The following TRIM33 variants were observed in gnomAD, a reference collection of about 807,000 sequenced individuals.
TRIM33 encodes tripartite motif containing 33.
In TRIM33, 20 loss-of-function variants were observed where a neutral mutation model predicts 125.4. That is an observed-to-expected ratio of 0.16 (90% CI 0.11 to 0.23). The LOEUF (loss-of-function observed/expected upper bound fraction) is 0.23, where lower values mean the gene tolerates loss of function less well. Ranked by LOEUF, TRIM33 falls within the 10% of genes least tolerant of loss-of-function variation. The pLI, the probability that TRIM33 is intolerant of heterozygous loss-of-function variation, is 1.00. For missense variants in TRIM33, 920 were observed against 1,411.4 expected (o/e 0.65, Z 5.58); for synonymous variants, 564 against 513.9 (o/e 1.10, Z -1.32).
rs192255504 is a variant in TRIM33, at chr1:114,424,539, G to A, written c.1860+52C>T. ...CCCAAAAAGTGATTAAGAAAATGAC[G>A]TCTTTTAATTTTAAAATTGTAGGAT... On this transcript the variant is annotated intron_variant, in intron 10 of 19. Coordinates refer to ENST00000358465, the MANE Select transcript of TRIM33 (RefSeq NM_015906.4). The A allele has an allele frequency of 1.8e-4, 260 of 1,426,888 alleles. No homozygotes were observed. In the African/African-American group the frequency reaches 3.0e-3, roughly 17 times the overall value. 88.4% of individuals were successfully genotyped at this position (1,426,888 alleles called of 1,614,324 possible).
chr1:114,505,814 C>T (rs1051388305), intron 1 of TRIM33, among the ~76,000 whole-genome samples: 2 of 151,992 alleles, frequency 1.3e-5, no homozygotes, highest in African/African-American at 2.4e-5. Flanking sequence ...GCGATCTGCC[C>T]GCCTCGGCCT....
intron 15 of TRIM33, 94 bp from the exon 16 acceptor site, chr1:114,402,977 T>C: frequency 8.0e-7 from 1 of 1,256,846 alleles, no homozygotes; most frequent in Non-Finnish European, 1.1e-6. Flanking sequence ...TTTATTTTCT[T>C]AATAATTTTT....
At chr1:114,496,348 G>T (rs1652365524) in intron 1 of TRIM33, among the ~76,000 whole-genome samples, 1 of 152,188 alleles carries the variant, frequency 6.6e-6, no homozygotes, top group African/African-American at 2.4e-5. Context: ...TTCATTTGTG[G>T]AATTCATTCT....
chr1:114,491,947 C>A (rs1475522247), intron 1 of TRIM33, among the ~76,000 whole-genome samples: 1 of 152,218 alleles, frequency 6.6e-6, no homozygotes, highest in East Asian at 1.9e-4. Context: ...CTTAGCAACA[C>A]TACGGGGCAC....
chr1:114,435,728 C>T (rs182431346), intron 4 of TRIM33, among the ~76,000 whole-genome samples: 2 of 151,622 alleles, frequency 1.3e-5, no homozygotes, highest in Admixed American at 1.3e-4. Flanking sequence ...AAAATTTATC[C>T]GTCTGAACTT....
chr1:114,482,298 C>T (rs906826143), intron 1 of TRIM33, among the ~76,000 whole-genome samples: 3 of 152,130 alleles, frequency 2.0e-5, no homozygotes, highest in Admixed American at 2.0e-4. Flanking sequence ...TAAAAGCAAT[C>T]ATCTCAACAT....
At chr1:114,466,751 C>A (rs1191938898) in intron 1 of TRIM33, among the ~76,000 whole-genome samples, 2 of 152,168 alleles carry the variant, frequency 1.3e-5, no homozygotes, top group African/African-American at 4.8e-5. Context: ...TTTCTCTTTG[C>A]TGATTTTAAT....
At chr1:114,410,076 AAGT>A in intron 12 of TRIM33, 105 bp downstream of exon 12, 1 of 1,336,226 alleles carries the variant, frequency 7.5e-7, no homozygotes, top group East Asian at 2.3e-5. Context: ...TTCTCTCTTC[AAGT>A]AGACCTCCTA....
intron 1 of TRIM33, among the ~76,000 whole-genome samples, chr1:114,473,255 T>TG (rs1430196370): frequency 8.4e-6 from 1 of 119,378 alleles, no homozygotes; most frequent in Non-Finnish European, 1.8e-5. Flanking sequence ...AGACTCTGTC[T>TG]CAAAAAAAAA....
chr1:114,477,642 C>T (rs1052499508), intron 1 of TRIM33, among the ~76,000 whole-genome samples: 2 of 152,214 alleles, frequency 1.3e-5, no homozygotes, highest in Non-Finnish European at 2.9e-5. Flanking sequence ...TTACAAGTTA[C>T]TATTCATCTC....
At chr1:114,427,349 C>A (rs1647655248) in intron 7 of TRIM33, 55 bp from the exon 8 acceptor site, 4 of 954,932 alleles carry the variant, frequency 4.2e-6, no homozygotes, top group South Asian at 3.1e-5. Flanking sequence ...ATTGGGAAAT[C>A]ATAAGATAAA....
At chr1:114,470,225 T>C (rs1016609536) in intron 1 of TRIM33, among the ~76,000 whole-genome samples, 4 of 152,236 alleles carry the variant, frequency 2.6e-5, no homozygotes, top group East Asian at 3.8e-4. Flanking sequence ...GATGCTGAGC[T>C]TTTATAAATT....
At position 114,401,483 on chromosome 1, in the gene TRIM33, G is replaced by C. The variant is rs749049726; in HGVS notation, c.2893-20C>G. On this transcript the variant is annotated intron_variant, in intron 16 of 19. Transcript: ENST00000358465. ...ACATTTCTGGCCCAAACAAGGAAAGGAAAGCACATGAAATATTTTTCTCCT... is the reference window on the plus strand; with the variant it reads ...ACATTTCTGGCCCAAACAAGGAAAGCAAAGCACATGAAATATTTTTCTCCT... 2 of 1,592,448 alleles carry C rather than the reference G, an allele frequency of 1.3e-6. No individual in the cohort carries two copies. The highest frequency in any genetic ancestry group is 1.1e-5 in the South Asian group (1 of 89,896).
At chr1:114,496,551 G>GA (rs1419211265) in intron 1 of TRIM33, among the ~76,000 whole-genome samples, 4 of 151,902 alleles carry the variant, frequency 2.6e-5, no homozygotes, top group Non-Finnish European at 5.9e-5. Flanking sequence ...GGTTGTTTAG[G>GA]AAAAAAGTAT....
Position 114,486,229 on chromosome 1 carries a change from T to C in TRIM33, c.527-21841A>G, listed in dbSNP as rs1335802180. Reference sequence around the variant, plus strand: ...AGGAAGAGGTTGCAATGAGCTGAGATCGCAACACTGAACCCCAGCCTGGGC... The same window carrying C: ...AGGAAGAGGTTGCAATGAGCTGAGACCGCAACACTGAACCCCAGCCTGGGC... On this transcript the variant is annotated intron_variant, in intron 1 of 19. Transcript: ENST00000358465. Among the ~76,000 whole-genome samples the C allele has an allele frequency of 2.6e-5, 4 of 151,832 alleles. No individual in the cohort carries two copies. In the East Asian group the frequency reaches 7.7e-4, roughly 29 times the overall value.
At chr1:114,472,360 G>C (rs889204853) in intron 1 of TRIM33, among the ~76,000 whole-genome samples, 9 of 152,204 alleles carry the variant, frequency 5.9e-5, no homozygotes, top group African/African-American at 2.2e-4. Flanking sequence ...AATTTTTCAA[G>C]TGGAATTTTT....
intron 12 of TRIM33, among the ~76,000 whole-genome samples, chr1:114,409,688 A>G (rs778994293): frequency 6.6e-6 from 1 of 152,218 alleles, no homozygotes; most frequent in Non-Finnish European, 1.5e-5. Flanking sequence ...TACAAAGAAC[A>G]ATCAAGAAAA....
intron 1 of TRIM33, among the ~76,000 whole-genome samples, chr1:114,469,871 G>T (rs1650533612): frequency 6.6e-6 from 1 of 152,014 alleles, no homozygotes; most frequent in Admixed American, 6.5e-5. Flanking sequence ...GGGAAAACTT[G>T]GAGATATGAT....
intron 1 of TRIM33, among the ~76,000 whole-genome samples, chr1:114,510,202 C>T (rs765393066): frequency 6.6e-6 from 1 of 152,146 alleles, no homozygotes; most frequent in Non-Finnish European, 1.5e-5. Flanking sequence ...GCCCTTTCAG[C>T]CAAAACGCTT....
Sources: gnomAD v4.1 joint callset for allele counts (sites outside exome capture counted in the v4.1 genomes callset) on GRCh38, gnomAD v4.1.1 for gene constraint, MANE v1.5 for transcripts, NCBI Gene and HGNC (gene_info 2026-07-23, HGNC 2026-07-21) for gene names.